Variants in ERG observed in about 807,000 individuals in gnomAD.
The protein encoded by ERG is transcriptional regulator ERG.
In ERG, 9 loss-of-function variants were observed where a neutral mutation model predicts 55.3. The observed-to-expected ratio is 0.16, with a 90% CI of 0.10 to 0.28. The LOEUF (loss-of-function observed/expected upper bound fraction) is 0.28, where lower values mean the gene tolerates loss of function less well. Among genes scored for constraint, ERG ranks in the 10% least tolerant of loss-of-function variants. ERG has a pLI of 1.00. For missense variants in ERG, 434 were observed against 631.6 expected (o/e 0.69, Z 3.35); for synonymous variants, 223 against 237.3 (o/e 0.94, Z 0.55).
chr21:38,405,418 G>A (rs1196632997), intron 3 of ERG, among the ~76,000 whole-genome samples: 1 of 152,118 alleles, frequency 6.6e-6, no homozygotes, highest in African/African-American at 2.4e-5. Flanking sequence ...GAATGAGTCC[G>A]CATTGGTCCA....
At chr21:38,576,741 C>T (rs1171839088) in intron 1 of ERG, among the ~76,000 whole-genome samples, 1 of 152,124 alleles carries the variant, frequency 6.6e-6, no homozygotes, top group Admixed American at 6.5e-5. Context: ...TTGACGTGGC[C>T]CCCTCTGGAG....
At chr21:38,600,820 G>A (rs1435367912) in intron 1 of ERG, among the ~76,000 whole-genome samples, 1 of 152,060 alleles carries the variant, frequency 6.6e-6, no homozygotes, top group Non-Finnish European at 1.5e-5. Context: ...CACATTCAGA[G>A]CATCTTCTAT....
At chr21:38,555,364 A>G (rs2059851665) in intron 2 of ERG, among the ~76,000 whole-genome samples, 1 of 151,952 alleles carries the variant, frequency 6.6e-6, no homozygotes, top group South Asian at 2.1e-4. Flanking sequence ...TTGAAAGACT[A>G]TAAAAAATAG....
intron 1 of ERG, among the ~76,000 whole-genome samples, chr21:38,476,338 C>T (rs1465165402): frequency 6.6e-6 from 1 of 152,222 alleles, no homozygotes; most frequent in Non-Finnish European, 1.5e-5. Flanking sequence ...CCAAGTGCCT[C>T]GCTTCAGGGG....
Position 38,466,300 on chromosome 21 carries a change from GGT to G in ERG, c.19-20681_19-20680del, listed in dbSNP as rs145670035. On this transcript the variant is annotated intron_variant, in intron 1 of 9. Coordinates refer to ENST00000288319, the MANE Select transcript of ERG (RefSeq NM_182918.4). ...CAGTTTAGGCTGTCTGATGGTCTGG[GGT>G]GTGTGTGTGTGTGTGTGTGTGTGTG... Among the ~76,000 whole-genome samples, 864 of 140,624 alleles carry G rather than the reference GGT, an allele frequency of 6.1e-3. 8 individuals carry two copies. Among genetic ancestry groups the G allele is most frequent in the Admixed American group, 0.012 (163 of 13,866 alleles). The allele number at this position is 140,624 out of a possible 152,430, so 92.3% of individuals were successfully genotyped here. A position where few individuals can be genotyped will look rare whatever the true frequency, so the allele number is the denominator to read the frequency against.
At chr21:38,475,310 C>G (rs1161061020) in intron 1 of ERG, among the ~76,000 whole-genome samples, 1 of 152,152 alleles carries the variant, frequency 6.6e-6, no homozygotes, top group African/African-American at 2.4e-5. Context: ...TTCCTGTCCC[C>G]TGAAGATGAC....
chr21:38,556,247 T>C (rs191013297), intron 2 of ERG, among the ~76,000 whole-genome samples: 140 of 152,292 alleles, frequency 9.2e-4, no homozygotes, highest in Admixed American at 1.9e-3. Flanking sequence ...ATATGTAATA[T>C]TGTTCATGGA....
chr21:38,371,687 AC>A, the ERG span, among the ~76,000 whole-genome samples: 1 of 152,078 alleles, frequency 6.6e-6, no homozygotes, highest in South Asian at 2.1e-4. Context: ...TATTAACCCA[AC>A]TTTGCACTAT....
chr21:38,629,908 A>G (rs1028209163), intron 1 of ERG, among the ~76,000 whole-genome samples: 1 of 152,224 alleles, frequency 6.6e-6, no homozygotes, highest in Non-Finnish European at 1.5e-5. Context: ...ATACACGGGC[A>G]TATTACTCAG....
intron 1 of ERG, among the ~76,000 whole-genome samples, chr21:38,487,147 G>GGA (rs2059293773): frequency 1.5e-5 from 2 of 136,786 alleles, no homozygotes; most frequent in African/African-American, 5.5e-5. Context: ...CACTATCCTG[G>GGA]AAAAAAAAAA....
intron 1 of ERG, among the ~76,000 whole-genome samples, chr21:38,612,240 C>T (rs905717036): frequency 2.0e-5 from 3 of 152,128 alleles, no homozygotes; most frequent in African/African-American, 4.8e-5. Flanking sequence ...TTCACATTTT[C>T]CTCAAAAATA....
chr21:38,448,839 G>A (rs1368864445), intron 1 of ERG, among the ~76,000 whole-genome samples: 2 of 152,188 alleles, frequency 1.3e-5, no homozygotes, highest in African/African-American at 2.4e-5. Flanking sequence ...AGGGGAGAGA[G>A]GATCTAGCCC....
At chr21:38,549,438 C>G (rs1475072564) in intron 2 of ERG, among the ~76,000 whole-genome samples, 1 of 152,170 alleles carries the variant, frequency 6.6e-6, no homozygotes, top group Non-Finnish European at 1.5e-5. Context: ...GATGTCTATC[C>G]ACGTGTTATA....
chr21:38,622,463 C>A (rs2060296973), intron 1 of ERG, among the ~76,000 whole-genome samples: 1 of 149,044 alleles, frequency 6.7e-6, no homozygotes, highest in South Asian at 2.1e-4. Context: ...CACACCACAC[C>A]ATACACATAC....
intron 6 of ERG, chr21:38,395,253 C>T (rs1327385355): frequency 4.4e-6 from 1 of 228,146 alleles, no homozygotes; most frequent in Non-Finnish European, 8.7e-6. Context: ...CATTGGGAAA[C>T]ATTCAACTCA....
chr21:38,394,648 G>A (rs1331586647), intron 6 of ERG, among the ~76,000 whole-genome samples: 6 of 152,100 alleles, frequency 3.9e-5, no homozygotes, highest in South Asian at 2.1e-4. Context: ...CACCGCGCCT[G>A]GCCTCAGAAT....
At chr21:38,407,883 TAA>T (rs1291798617) in intron 3 of ERG, among the ~76,000 whole-genome samples, 2 of 147,532 alleles carry the variant, frequency 1.4e-5, no homozygotes, top group East Asian at 2.0e-4. Flanking sequence ...ATAAAATATA[TAA>T]TATATATAGA....
chr21:38,547,926 T>C (rs960238469), intron 2 of ERG, among the ~76,000 whole-genome samples: 3 of 152,148 alleles, frequency 2.0e-5, no homozygotes, highest in African/African-American at 7.2e-5. Context: ...AAAAATTACA[T>C]AATCCTGTAC....
intron 3 of ERG, among the ~76,000 whole-genome samples, chr21:38,407,527 C>G (rs983661148): frequency 6.6e-6 from 1 of 151,160 alleles, no homozygotes. Flanking sequence ...TTTCACTAAA[C>G]TATATTTTCT....
Sources: gnomAD v4.1 joint callset for allele counts (sites outside exome capture counted in the v4.1 genomes callset) on GRCh38, gnomAD v4.1.1 for gene constraint, MANE v1.5 for transcripts, NCBI Gene and HGNC (gene_info 2026-07-23, HGNC 2026-07-21) for gene names.